Variants in MGAT4C observed in about 807,000 individuals in gnomAD.
MGAT4C encodes the protein MGAT4 family member C.
In MGAT4C, 19 loss-of-function variants were observed where a neutral mutation model predicts 40.1. The ratio of observed to expected loss-of-function variants is 0.47; its 90% confidence interval spans 0.33 to 0.70. The LOEUF (loss-of-function observed/expected upper bound fraction) is 0.70, where lower values mean the gene tolerates loss of function less well. Ranked by LOEUF, MGAT4C falls within the 30% of genes least tolerant of loss-of-function variation. The pLI, the probability that MGAT4C is intolerant of heterozygous loss-of-function variation, is 0.02. For synonymous variants in MGAT4C, 181 were observed against 187.1 expected (o/e 0.97, Z 0.27); for missense variants, 491 against 563.2 (o/e 0.87, Z 1.30).
chr12:86,460,793 A>T (rs76436856), intron 2 of MGAT4C, among the ~76,000 whole-genome samples: 1,657 of 152,278 alleles, frequency 0.011, 33 homozygotes, highest in East Asian at 0.06. Context: ...CTAATTCACG[A>T]CAGTTAAATT....
At chr12:86,191,487 G>A (rs1889452112) in intron 1 of MGAT4C, among the ~76,000 whole-genome samples, 1 of 151,684 alleles carries the variant, frequency 6.6e-6, no homozygotes, top group African/African-American at 2.4e-5. Flanking sequence ...AAACTAACAA[G>A]TAAAATGAGA....
chr12:86,496,022 T>C (rs1958228651), intron 2 of MGAT4C, among the ~76,000 whole-genome samples: 1 of 151,862 alleles, frequency 6.6e-6, no homozygotes, highest in Non-Finnish European at 1.5e-5. Flanking sequence ...GGGAGATGGA[T>C]TTGAGACTTA....
intron 2 of MGAT4C, among the ~76,000 whole-genome samples, chr12:86,452,126 T>G (rs1316969688): frequency 6.6e-6 from 1 of 152,120 alleles, no homozygotes; most frequent in East Asian, 1.9e-4. Flanking sequence ...TTTGTTTTTC[T>G]ACAAGGTAGA....
chr12:86,634,250 C>T (rs1177615338), intron 2 of MGAT4C, among the ~76,000 whole-genome samples: 2 of 152,024 alleles, frequency 1.3e-5, no homozygotes, highest in Non-Finnish European at 2.9e-5. Flanking sequence ...TTTAATCTGC[C>T]AGGTGTTACC....
chr12:86,456,303 G>A (rs141129586), intron 2 of MGAT4C, among the ~76,000 whole-genome samples: 86 of 152,166 alleles, frequency 5.7e-4, no homozygotes, highest in Non-Finnish European at 1.2e-3. Flanking sequence ...AATTTGGGCA[G>A]CGGAAGAGCC....
At chr12:86,441,903 C>A (rs1957235665) in intron 2 of MGAT4C, among the ~76,000 whole-genome samples, 1 of 151,848 alleles carries the variant, frequency 6.6e-6, no homozygotes. Flanking sequence ...AGTTCTAGAT[C>A]CTTGAGGAAT....
In MGAT4C at chr12:85,960,319, A is replaced by G. The variant is rs1883045007; in HGVS notation, c.*18970T>C. ...ATTGAATAAGAGAATCCGAACTGGC[A>G]TCGAGGATATCTAATTTTGGGATGA... On this transcript the variant is annotated 3_prime_UTR_variant, in exon 5 of 5. Coordinates refer to ENST00000611864, the MANE Select transcript of MGAT4C (RefSeq NM_001351288.2). 1 of 152,066 alleles carries G rather than the reference A, an allele frequency of 6.6e-6. No individual in the cohort carries two copies. Among genetic ancestry groups the G allele is most frequent in the Non-Finnish European group, 1.5e-5 (1 of 67,932 alleles). 9.4% of individuals were successfully genotyped at this position (152,066 alleles called of 1,614,324 possible). A position where few individuals can be genotyped will look rare whatever the true frequency, so the allele number is the denominator to read the frequency against.
At chr12:86,159,302 T>A (rs757887392) in intron 1 of MGAT4C, among the ~76,000 whole-genome samples, 16 of 152,120 alleles carry the variant, frequency 1.1e-4, no homozygotes, top group Non-Finnish European at 1.9e-4. Context: ...TTGTTTGATT[T>A]TTTTATGCAG....
intron 1 of MGAT4C, among the ~76,000 whole-genome samples, chr12:86,127,387 CTT>C (rs1880460373): frequency 6.6e-6 from 1 of 152,100 alleles, no homozygotes; most frequent in African/African-American, 2.4e-5. Context: ...CATAAATTAA[CTT>C]AGTAGGACTG....
At chr12:86,363,489 G>T (rs964385799) in intron 3 of MGAT4C, among the ~76,000 whole-genome samples, 2 of 151,824 alleles carry the variant, frequency 1.3e-5, no homozygotes, top group Non-Finnish European at 2.9e-5. Context: ...TTATAGCATT[G>T]AATGCTTACA....
At chr12:86,057,628 T>C (rs1247439748) in intron 1 of MGAT4C, among the ~76,000 whole-genome samples, 1 of 152,116 alleles carries the variant, frequency 6.6e-6, no homozygotes, top group African/African-American at 2.4e-5. Context: ...CTCTCTCTCT[T>C]CTTGGGACTT....
intron 4 of MGAT4C, among the ~76,000 whole-genome samples, chr12:86,296,422 G>A (rs570640725): frequency 7.6e-5 from 7 of 92,300 alleles, no homozygotes; most frequent in Admixed American, 4.6e-4. Context: ...GCCCTTGGGC[G>A]GTCGATGGGA....
intron 3 of MGAT4C, among the ~76,000 whole-genome samples, chr12:86,350,843 T>C (rs1386704104): frequency 3.9e-5 from 6 of 152,226 alleles, no homozygotes; most frequent in African/African-American, 1.4e-4. Context: ...CACATAATTA[T>C]GCATTTCTGG....
At chr12:86,110,335 A>G (rs1235543021) in intron 1 of MGAT4C, among the ~76,000 whole-genome samples, 1 of 23,586 alleles carries the variant, frequency 4.2e-5, no homozygotes, top group East Asian at 1.3e-3. Flanking sequence ...CTCTCTGTAT[A>G]TAGTCTCTCT....
chr12:86,015,116 C>T (rs73187674), intron 2 of MGAT4C, among the ~76,000 whole-genome samples: 1 of 151,160 alleles, frequency 6.6e-6, no homozygotes, highest in Non-Finnish European at 1.5e-5. Flanking sequence ...GCCTCTGTGT[C>T]CTACTTCTGT....
chr12:86,021,863 C>CA (rs1157833168), intron 2 of MGAT4C, among the ~76,000 whole-genome samples: 1 of 152,164 alleles, frequency 6.6e-6, no homozygotes, highest in Admixed American at 6.5e-5. Context: ...TATTGCCACA[C>CA]ATTTTTACTG....
At chr12:86,714,891 A>G (rs1392466908) in intron 2 of MGAT4C, among the ~76,000 whole-genome samples, 1 of 152,146 alleles carries the variant, frequency 6.6e-6, no homozygotes, top group African/African-American at 2.4e-5. Flanking sequence ...TTAAGAAGAT[A>G]TTAAAACAAT....
chr12:86,720,333 T>A (rs2136643197), intron 2 of MGAT4C, among the ~76,000 whole-genome samples: 1 of 152,226 alleles, frequency 6.6e-6, no homozygotes, highest in East Asian at 1.9e-4. Flanking sequence ...TTATGCAATA[T>A]CAATTATTCT....
intron 2 of MGAT4C, among the ~76,000 whole-genome samples, chr12:86,670,922 G>A (rs1254567569): frequency 1.3e-5 from 2 of 152,056 alleles, no homozygotes; most frequent in Non-Finnish European, 2.9e-5. Flanking sequence ...CTCTATCAAC[G>A]AATGAAACAA....
Sources: allele counts gnomAD v4.1 joint callset (sites outside exome capture counted in the v4.1 genomes callset), GRCh38; gene constraint gnomAD v4.1.1; transcripts MANE v1.5; gene names NCBI Gene and HGNC (gene_info 2026-07-23, HGNC 2026-07-21).